COL19A1: variants seen among roughly 807,000 people sequenced by gnomAD.
COL19A1 encodes collagen alpha-1(XIX) chain.
In COL19A1, 159 loss-of-function variants were observed where a neutral mutation model predicts 190.2. The observed-to-expected ratio is 0.84, with a 90% confidence interval of 0.73 to 0.95. The LOEUF is 0.95. Ranked by LOEUF, COL19A1 falls within the 40% of genes least tolerant of loss-of-function variation. The pLI is 0.00. For synonymous variants in COL19A1, 509 were observed against 458.9 expected, an observed-to-expected ratio of 1.11 and a Z score of -1.39; for missense variants, 1,418 against 1,431.9, an observed-to-expected ratio of 0.99 and a Z score of 0.16.
At chr6:70,171,900 G>C in intron 40 of COL19A1, 64 bp from the exon 41 acceptor site, 1 of 1,533,516 alleles carries the variant, frequency 6.5e-7, no homozygotes, top group South Asian at 1.1e-5. Context: ...TCTTTGCTTT[G>C]GAAACCAATG....
At chr6:70,152,207 G>C in intron 31 of COL19A1, among the ~76,000 whole-genome samples, 1 of 151,890 alleles carries the variant, frequency 6.6e-6, no homozygotes, top group South Asian at 2.1e-4. Flanking sequence ...ATCTGTCTTT[G>C]TATGAATGGA....
At chr6:70,067,254 A>G (rs1299793731) in intron 14 of COL19A1, among the ~76,000 whole-genome samples, 1 of 152,156 alleles carries the variant, frequency 6.6e-6, no homozygotes, top group Non-Finnish European at 1.5e-5. Flanking sequence ...GGAAGCTCTT[A>G]CAGATGAGCA....
chr6:69,966,045 T>A (rs549433813), intron 11 of COL19A1, among the ~76,000 whole-genome samples: 1 of 152,358 alleles, frequency 6.6e-6, no homozygotes, highest in East Asian at 1.9e-4. Flanking sequence ...ATCCCCATAC[T>A]ATCTGTCAGC....
chr6:70,032,721 G>A (rs1049858842), intron 12 of COL19A1, among the ~76,000 whole-genome samples: 4 of 151,974 alleles, frequency 2.6e-5, no homozygotes, highest in African/African-American at 9.7e-5. Context: ...CATTTCAAGA[G>A]TTCGAAAGCT....
At position 69,929,612 on chromosome 6, in the gene COL19A1, C is replaced by A. The variant is rs759924510; in HGVS notation, c.578C>A (p.Ala193Glu). 1 of 1,613,746 alleles carries A rather than the reference C, an allele frequency of 6.2e-7. No homozygotes were observed. Among genetic ancestry groups the A allele is most frequent in the Admixed American group, 1.7e-5 (1 of 59,958 alleles). The change falls in exon 6 of 51, where the codon GCG (alanine) becomes GAG (glutamate). Residue 193 changes from alanine to glutamate, a missense_variant. Ala to Glu is a moderately radical substitution (Grantham distance 107). Coordinates refer to ENST00000620364, the MANE Select transcript of COL19A1 (RefSeq NM_001858.6). The part of the protein sequence containing the change: ...ISLYMDCNLI[A>E]RRQTDEKDTV... ...CTTTATATGGATTGTAATTTAATTGCGAGGAGGCAGACTGATGAAAAGGAC... is the reference window on the plus strand; with the variant it reads ...CTTTATATGGATTGTAATTTAATTGAGAGGAGGCAGACTGATGAAAAGGAC...
chr6:70,144,942 C>G lies in COL19A1; in HGVS notation c.1705C>G (p.Pro569Ala). The G allele has an allele frequency of 6.3e-7, 1 of 1,586,436 alleles. No individual in the cohort carries two copies. Among genetic ancestry groups the G allele is most frequent in the Non-Finnish European group, 8.6e-7 (1 of 1,164,554 alleles). Residue 569 changes from proline (P) to alanine (A), a missense_variant, in exon 25 of 51, where the codon CCT becomes GCT. Transcript: ENST00000620364. ...EKGDPGGIIG[P>A]PGLPGPKGEA... ...GGGAGATCCGGGTGGGATCATAGGC[C>G]CTCCCGGGCTTCCAGGTCCAAAAGG...
chr6:69,932,977 T>G (rs995423664), intron 7 of COL19A1, 114 bp downstream of exon 7: 6 of 581,638 alleles, frequency 1.0e-5, no homozygotes, highest in Non-Finnish European at 1.8e-5. Flanking sequence ...TGAAGCCAGG[T>G]GGGTAATTTA....
intron 18 of COL19A1, 101 bp from the exon 19 acceptor site, chr6:70,137,584 T>C (rs1016230633): frequency 9.4e-7 from 1 of 1,068,834 alleles, no homozygotes. Flanking sequence ...ATAGATAAAT[T>C]GTATAGTTAG....
intron 10 of COL19A1, among the ~76,000 whole-genome samples, chr6:69,961,272 A>G (rs1297997297): frequency 6.6e-6 from 1 of 152,250 alleles, no homozygotes; most frequent in Admixed American, 6.5e-5. Context: ...ATTGTGTTAA[A>G]GAATTTATTT....
At chr6:69,991,842 C>T (rs979464481) in intron 11 of COL19A1, among the ~76,000 whole-genome samples, 6 of 152,022 alleles carry the variant, frequency 3.9e-5, no homozygotes, top group African/African-American at 1.4e-4. Flanking sequence ...TGTATGTTGT[C>T]TGTTTACTCT....
chr6:70,036,035 G>C, intron 14 of COL19A1, 96 bp downstream of exon 14: 13 of 1,196,456 alleles, frequency 1.1e-5, no homozygotes, highest in Non-Finnish European at 1.6e-5. Context: ...AAGTCACAGA[G>C]TTAAGAATTG....
chr6:70,151,109 G>A (rs909880683), intron 30 of COL19A1, among the ~76,000 whole-genome samples: 1 of 152,062 alleles, frequency 6.6e-6, no homozygotes, highest in Non-Finnish European at 1.5e-5. Flanking sequence ...CAGCATAAAG[G>A]TTGCCATGAA....
rs911359653 is a variant in COL19A1 at position 70,066,589 on chromosome 6, A to T, written c.1171-1834A>T. 7.2e-5 allele frequency among the ~76,000 whole-genome samples: 11 copies of T among 152,182 alleles called. No individual in the cohort carries two copies. In the East Asian group the frequency reaches 2.1e-3, roughly 29 times the overall value. ...TTGTGCACATGTACCCTAGAACTTA[A>T]AGTATAATAAAACTATATATATATA... is the stretch of plus-strand genomic sequence containing the variant. On this transcript the variant is annotated intron_variant, in intron 14 of 50. Coordinates refer to ENST00000620364, the MANE Select transcript of COL19A1 (RefSeq NM_001858.6).
At chr6:69,946,909 T>C (rs764078507) in intron 9 of COL19A1, among the ~76,000 whole-genome samples, 4 of 151,924 alleles carry the variant, frequency 2.6e-5, no homozygotes, top group Non-Finnish European at 5.9e-5. Flanking sequence ...AAACTCTCAC[T>C]GTAGGATTTT....
chr6:70,099,547 C>A (rs368154757), intron 15 of COL19A1, among the ~76,000 whole-genome samples: 8 of 149,254 alleles, frequency 5.4e-5, no homozygotes, highest in East Asian at 2.0e-4. Flanking sequence ...TATTCCAAAA[C>A]AAAAAAAAAA....
At chr6:69,932,363 G>T (rs970251269) in intron 6 of COL19A1, among the ~76,000 whole-genome samples, 1 of 151,936 alleles carries the variant, frequency 6.6e-6, no homozygotes, top group African/African-American at 2.4e-5. Context: ...TAGGAGTCTG[G>T]AAGTACAAAT....
intron 5 of COL19A1, 74 bp downstream of exon 5, chr6:69,928,106 C>T: frequency 6.4e-7 from 1 of 1,559,222 alleles, no homozygotes; most frequent in East Asian, 2.3e-5. Context: ...TGAACTGGTG[C>T]ACAAATTTGC....
chr6:70,051,671 G>C (rs1215010148), intron 14 of COL19A1, among the ~76,000 whole-genome samples: 1 of 152,088 alleles, frequency 6.6e-6, no homozygotes. Context: ...AGGGTGGTTA[G>C]TACCTCCCTC....
At chr6:70,050,513 A>G (rs1296100113) in intron 14 of COL19A1, among the ~76,000 whole-genome samples, 1 of 152,120 alleles carries the variant, frequency 6.6e-6, no homozygotes, top group Non-Finnish European at 1.5e-5. Flanking sequence ...GATGTAGTAT[A>G]GGTACTCAAT....
Sources: gnomAD v4.1 joint callset for allele counts (sites outside exome capture counted in the v4.1 genomes callset) on GRCh38, gnomAD v4.1.1 for gene constraint, MANE v1.5 for transcripts, NCBI Gene and HGNC (gene_info 2026-07-23, HGNC 2026-07-21) for gene names.